Variants in VPS52 observed in about 807,000 individuals in gnomAD.
The protein encoded by VPS52 is vacuolar protein sorting-associated protein 52 homolog.
A neutral mutation model predicts 98.7 loss-of-function variants in VPS52; 56 were observed. The observed-to-expected ratio is 0.57, with a 90% CI of 0.46 to 0.71. VPS52 has a LOEUF of 0.71. Among genes scored for constraint, VPS52 ranks in the 30% least tolerant of loss-of-function variants. The pLI, the probability that VPS52 is intolerant of heterozygous loss-of-function variation, is 0.00. For synonymous variants in VPS52, 348 were observed against 346.4 expected (o/e 1.00, Z -0.05); for missense variants, 742 against 925.9 (o/e 0.80, Z 2.58).
intron 19 of VPS52, 151 bp downstream of exon 19, chr6:33,251,367 A>G: frequency 1.5e-6 from 1 of 671,918 alleles, no homozygotes; most frequent in South Asian, 1.9e-5. Flanking sequence ...CAAACAAAAA[A>G]AAAAGAATCA....
chr6:33,267,206 C>G lies in VPS52; in HGVS notation c.1107G>C (p.Ala369=). The G allele has an allele frequency of 1.3e-6, 2 of 1,569,438 alleles. No individual in the cohort carries two copies. ...CTCATACCCTCTGCTCTCCGCGCTG[C>G]GCTGTGTGAGGCACCAGGATGGGGG... is the stretch of plus-strand genomic sequence containing the variant. ...LEAPILVPHT[A]QRGEQRYPFE... is the part of the protein sequence containing the mutation. Residue 369 remains alanine, a synonymous_variant, in exon 11 of 20, where the codon GCG becomes GCC. Transcript: ENST00000445902. This position sits in a 1 kb window ranked among gnomAD's most constrained non-coding sequence, Gnocchi z 4.2.
Position 33,271,858 on chromosome 6 carries a change from G to T in VPS52, c.-183C>A. On this transcript the variant is annotated 5_prime_UTR_variant, in exon 1 of 20. Coordinates refer to ENST00000445902, the MANE Select transcript of VPS52 (RefSeq NM_022553.6). ...TCACCCAACTGCAAATGGAAATATG[G>T]AAGTCTGAAACACAAACTAGCCCCG... 7.4e-7 allele frequency: 1 copy of T among 1,346,708 alleles called. No individual in the cohort carries two copies. The highest frequency in any genetic ancestry group is 1.5e-5 in the South Asian group (1 of 65,566). 83.4% of individuals were successfully genotyped at this position (1,346,708 alleles called of 1,614,324 possible). A position where few individuals can be genotyped will look rare whatever the true frequency, so the allele number is the denominator to read the frequency against.
intron 1 of VPS52, 80 bp from the exon 2 acceptor site, chr6:33,270,363 C>T: frequency 7.3e-7 from 1 of 1,364,400 alleles, no homozygotes. Context: ...CCCAGTCCTT[C>T]AAGTGAGAAG....
Position 33,250,358 on chromosome 6 carries a change from A to C in VPS52, c.*483T>G, listed in dbSNP as rs1258220023. 1 of 155,186 alleles carries C rather than the reference A, an allele frequency of 6.4e-6. No individual in the cohort carries two copies. Among genetic ancestry groups the C allele is most frequent in the Non-Finnish European group, 1.4e-5 (1 of 70,054 alleles). 9.6% of individuals were successfully genotyped at this position (155,186 alleles called of 1,614,324 possible). ...CCAGGAGGGGAGAGGTTAGTGTTCAAATTGCTGAGATCTTAGGTCAAAAAG... is the reference window on the plus strand; with the variant it reads ...CCAGGAGGGGAGAGGTTAGTGTTCACATTGCTGAGATCTTAGGTCAAAAAG... On this transcript the variant is annotated 3_prime_UTR_variant, in exon 20 of 20. Transcript: ENST00000445902.
intron 17 of VPS52, among the ~76,000 whole-genome samples, chr6:33,254,187 A>C (rs993571851): frequency 1.3e-5 from 2 of 152,018 alleles, no homozygotes; most frequent in African/African-American, 2.4e-5. Flanking sequence ...AAGCAGAAGA[A>C]TCACTTGAAC....
rs1328712037 is a variant in VPS52 at position 33,267,518 on chromosome 6, A to C, written c.991+164T>G. 1.7e-6 allele frequency: 2 copies of C among 1,203,822 alleles called. No homozygotes were observed. The highest frequency in any genetic ancestry group is 2.3e-6 in the Non-Finnish European group (2 of 853,866). The allele number at this position is 1,203,822 out of a possible 1,614,324, so 74.6% of individuals were successfully genotyped here. A position where few individuals can be genotyped will look rare whatever the true frequency, so the allele number is the denominator to read the frequency against. On this transcript the variant is annotated intron_variant, in intron 10 of 19. Coordinates refer to ENST00000445902, the MANE Select transcript of VPS52 (RefSeq NM_022553.6). The surrounding 1 kb of genome is among the most constrained non-coding windows in gnomAD (Gnocchi z 4.2). Reference sequence around the variant, plus strand: ...GCAATCATATGCAAAACTATGTGTCAAAATAATGTGTGCATCTTTCTGGGG... The same window carrying C: ...GCAATCATATGCAAAACTATGTGTCCAAATAATGTGTGCATCTTTCTGGGG...
rs1581612513 is a variant in VPS52, at chr6:33,267,165, C to T, written c.1125+23G>A. 6.8e-7 allele frequency: 1 copy of T among 1,469,838 alleles called. No individual in the cohort carries two copies. The highest frequency in any genetic ancestry group is 2.4e-5 in the Admixed American group (1 of 40,938). 91.0% of individuals were successfully genotyped at this position (1,469,838 alleles called of 1,614,324 possible). ...ACCGTGCTCAGAGCCTCTTTCGTGACTGAAGCTTGTTCCTCCTCATACCCT... is the reference window on the plus strand; with the variant it reads ...ACCGTGCTCAGAGCCTCTTTCGTGATTGAAGCTTGTTCCTCCTCATACCCT... On this transcript the variant is annotated intron_variant, in intron 11 of 19. Transcript: ENST00000445902. The surrounding 1 kb of genome is among the most constrained non-coding windows in gnomAD (Gnocchi z 4.2).
chr6:33,271,037 C>G (rs1291281456), intron 1 of VPS52: 7 of 200,294 alleles, frequency 3.5e-5, no homozygotes, highest in Non-Finnish European at 7.2e-5. Context: ...AGAACTTGCA[C>G]TTAAATTTAA....
chr6:33,250,908 G>T lies in VPS52; in HGVS notation c.2105C>A (p.Ala702Asp). The T allele has an allele frequency of 6.2e-7, 1 of 1,613,092 alleles. No individual in the cohort carries two copies. The highest frequency in any genetic ancestry group is 8.5e-7 in the Non-Finnish European group (1 of 1,180,036). Reference protein sequence around the residue: ...LSQPQLRALPARAELINIHHL... With the variant: ...LSQPQLRALPDRAELINIHHL... ...GTGAATGTTGATGAGCTCAGCCCGG[G>T]CAGGGAGGGCTCGGAGCTGCGGCTG... Residue 702 changes from alanine to aspartate, a missense_variant, in exon 20 of 20, where the codon GCC (alanine) becomes GAC (aspartate). Around this residue, in one of 2 missense-constraint regions of VPS52, gnomAD observed 590 missense variants for 793.3 expected, o/e 0.74. Transcript: ENST00000445902.
At chr6:33,269,429 C>A (rs750941712) in intron 5 of VPS52, 61 bp downstream of exon 5, 16 of 1,598,548 alleles carry the variant, frequency 1.0e-5, no homozygotes, top group Non-Finnish European at 1.2e-5. Flanking sequence ...CTAAAAATGG[C>A]ACCAGAGTCC....
intron 17 of VPS52, among the ~76,000 whole-genome samples, chr6:33,261,807 G>C (rs558460750): frequency 6.6e-6 from 1 of 152,064 alleles, no homozygotes; most frequent in Non-Finnish European, 1.5e-5. Context: ...TTGGGAGACA[G>C]AGCTGGGCAG....
chr6:33,271,300 G>A (rs1765032284), intron 1 of VPS52: 1 of 634,912 alleles, frequency 1.6e-6, no homozygotes, highest in African/African-American at 1.8e-5. Context: ...ATAGAACTCA[G>A]GCAGTCTGGC....
chr6:33,263,123 G>A (rs975630202), intron 17 of VPS52, among the ~76,000 whole-genome samples: 1 of 151,630 alleles, frequency 6.6e-6, no homozygotes, highest in African/African-American at 2.4e-5. Context: ...AATTAGCTAG[G>A]CATGGTGGCT....
intron 17 of VPS52, among the ~76,000 whole-genome samples, chr6:33,255,794 T>C (rs913185395): frequency 5.1e-5 from 5 of 97,964 alleles, no homozygotes; most frequent in Non-Finnish European, 6.1e-5. Flanking sequence ...AGACTCTGTC[T>C]AAAAAAAAAA....
At chr6:33,266,779 T>G in intron 11 of VPS52, 67 bp from the exon 12 acceptor site, 4 of 1,537,972 alleles carry the variant, frequency 2.6e-6, no homozygotes, top group South Asian at 2.5e-5. Flanking sequence ...CCCATGGATA[T>G]GGCTGGAAAA....
chr6:33,258,241 G>A (rs1412930499), intron 17 of VPS52, among the ~76,000 whole-genome samples: 2 of 151,874 alleles, frequency 1.3e-5, no homozygotes, highest in Non-Finnish European at 2.9e-5. Flanking sequence ...ACAAAAATTA[G>A]CCGGGCGTGG....
intron 1 of VPS52, chr6:33,271,338 A>G (rs1462503340): frequency 5.8e-6 from 4 of 689,242 alleles, no homozygotes; most frequent in Non-Finnish European, 1.1e-5. Flanking sequence ...TAACCTTTAC[A>G]CTATACTACT....
rs992836060 is a variant in VPS52, at chr6:33,250,492, T to C, written c.*349A>G. On this transcript the variant is annotated 3_prime_UTR_variant, in exon 20 of 20. Transcript: ENST00000445902. ...TCATGCCTCAGGACATGGTGACTAG[T>C]TGAGTGAACCAGAGATTGAGGCAGT... 3.9e-6 allele frequency: 1 copy of C among 257,986 alleles called. No individual in the cohort carries two copies. The highest frequency in any genetic ancestry group is 2.2e-5 in the African/African-American group (1 of 44,686). The allele number at this position is 257,986 out of a possible 1,614,324, so 16.0% of individuals were successfully genotyped here.
rs549641288 is a variant in VPS52, at chr6:33,268,838, T to G, written c.548+176A>C. 9.2e-5 allele frequency among the ~76,000 whole-genome samples: 14 copies of G among 152,068 alleles called. No individual in the cohort carries two copies. Among genetic ancestry groups the G allele is most frequent in the Non-Finnish European group, 1.8e-4 (12 of 68,024 alleles). On this transcript the variant is annotated intron_variant, in intron 6 of 19. Transcript: ENST00000445902. The surrounding 1 kb of genome is among the most constrained non-coding windows in gnomAD (Gnocchi z 4.0). Reference sequence around the variant, plus strand: ...CACTATACACCTGATCTTACATCATTCTTAATCTTAATCTTTGATGCCTAA... The same window carrying G: ...CACTATACACCTGATCTTACATCATGCTTAATCTTAATCTTTGATGCCTAA...
Sources: allele counts gnomAD v4.1 joint callset (sites outside exome capture counted in the v4.1 genomes callset), GRCh38; gene constraint gnomAD v4.1.1; regional missense constraint gnomAD v4.1.1; non-coding constraint Gnocchi (gnomAD v3.1); transcripts MANE v1.5; gene names NCBI Gene and HGNC (gene_info 2026-07-23, HGNC 2026-07-21).